Variants in ZNF84 observed in about 807,000 individuals in gnomAD.
The protein encoded by ZNF84 is zinc finger protein 84, also known as zinc finger protein HPF2.
Under a neutral mutation model 14.8 loss-of-function variants are expected in ZNF84, and 12 were observed. That is an observed-to-expected ratio of 0.81 (90% CI 0.52 to 1.31). The LOEUF (loss-of-function observed/expected upper bound fraction) is 1.31. Ranked by LOEUF, ZNF84 falls within the 50% of genes most tolerant of loss-of-function variation. The pLI is 0.00. For missense variants in ZNF84, 859 were observed against 878.6 expected (o/e 0.98, Z 0.28); for synonymous variants, 347 against 291.1 (o/e 1.19, Z -1.96).
chr12:133,057,895 C>A lies in ZNF84; in HGVS notation c.1180C>A (p.Gln394Lys), dbSNP rs1954189473. The A allele has an allele frequency of 6.2e-7, 1 of 1,613,504 alleles. No individual in the cohort carries two copies. The highest frequency in any genetic ancestry group is 2.2e-5 in the East Asian group (1 of 44,848). ...FFEKSELIRH[Q>K]TIHTGEKPYE... is the part of the protein sequence containing the mutation. The stretch of plus-strand genomic sequence containing the variant: ...TGAGAAGTCAGAGCTTATTAGACAT[C>A]AGACAATTCATACTGGAGAGAAACC... The change falls in exon 5 of 5, where the codon CAG becomes AAG. Residue 394 changes from glutamine (Q) to lysine (K), a missense_variant. Transcript: ENST00000539354.
rs993131797 is a variant in ZNF84 at position 133,056,830 on chromosome 12, T to G, written c.239-124T>G. 13 of 709,836 alleles carry G rather than the reference T, an allele frequency of 1.8e-5. No individual in the cohort carries two copies. The Admixed American group carries it at 2.7e-4, about 15-fold the overall frequency. The allele number at this position is 709,836 out of a possible 1,614,324, so 44.0% of individuals were successfully genotyped here. On this transcript the variant is annotated intron_variant, in intron 4 of 4. Transcript: ENST00000539354. ...AGATAGTTATTATACTTGGGACTTA[T>G]TTCAGACTCGGAAACTAAGCCTTAA...
chr12:133,057,989 A>T lies in ZNF84; in HGVS notation c.1274A>T (p.His425Leu). 6.2e-7 allele frequency: 1 copy of T among 1,613,826 alleles called. No individual in the cohort carries two copies. Among genetic ancestry groups the T allele is most frequent in the Non-Finnish European group, 8.5e-7 (1 of 1,179,978 alleles). The change falls in exon 5 of 5, where the codon CAT becomes CTT. Residue 425 changes from histidine to leucine, a missense_variant. His to Leu is a moderately conservative substitution (Grantham distance 99). Coordinates refer to ENST00000539354, the MANE Select transcript of ZNF84 (RefSeq NM_001289971.2). Reference sequence around the variant, plus strand: ...AGTCTCATTAATCATCAGAGAACACATACAGGAGAGAAACCTCATGGATGC... The same window carrying T: ...AGTCTCATTAATCATCAGAGAACACTTACAGGAGAGAAACCTCATGGATGC... ...RSSLINHQRT[H>L]TGEKPHGCIQ... is the part of the protein sequence containing the mutation.
intron 4 of ZNF84, among the ~76,000 whole-genome samples, chr12:133,054,069 A>G (rs1954112305): frequency 6.6e-6 from 1 of 152,198 alleles, no homozygotes; most frequent in Non-Finnish European, 1.5e-5. Flanking sequence ...TTTATTGAAA[A>G]ATGGGCCCAG....
At position 133,059,048 on chromosome 12, in the gene ZNF84, ACT is replaced by A. The variant is rs1332470156; in HGVS notation, c.*119_*120del. ...GTGTTTGTACTCCATGAGGATGAGAACTCTAAATGAGGTGGTGTATGGAAAGC... is the reference window on the plus strand; with the variant it reads ...GTGTTTGTACTCCATGAGGATGAGAACTAAATGAGGTGGTGTATGGAAAGC... On this transcript the variant is annotated 3_prime_UTR_variant, in exon 5 of 5. Transcript: ENST00000539354. The A allele has an allele frequency of 9.9e-7, 1 of 1,007,322 alleles. No individual in the cohort carries two copies. The highest frequency in any genetic ancestry group is 1.6e-5 in the African/African-American group (1 of 62,146). 62.4% of individuals were successfully genotyped at this position (1,007,322 alleles called of 1,614,324 possible).
chr12:133,039,812 G>A (rs2137318307), intron 1 of ZNF84, among the ~76,000 whole-genome samples: 2 of 151,584 alleles, frequency 1.3e-5, no homozygotes, highest in Middle Eastern at 6.8e-3. Context: ...AACATTAAAT[G>A]TATTCAATTT....
intron 1 of ZNF84, chr12:133,040,836 C>T (rs1217948685): frequency 7.9e-5 from 12 of 151,974 alleles, no homozygotes; most frequent in African/African-American, 2.9e-4. Flanking sequence ...ACAAAAATGG[C>T]AGACAAAAGT....
chr12:133,043,961 A>T, intron 2 of ZNF84, among the ~76,000 whole-genome samples: 1 of 147,994 alleles, frequency 6.8e-6, no homozygotes. Flanking sequence ...ATGGGGTTTC[A>T]CCATATTGGT....
intron 1 of ZNF84, chr12:133,037,820 C>T (rs1953811823): frequency 6.4e-5 from 3 of 46,604 alleles, no homozygotes. Context: ...GCCTCGGGCG[C>T]GTTTAGCCTC....
chr12:133,038,772 C>T (rs1452978675), intron 1 of ZNF84: 1 of 152,036 alleles, frequency 6.6e-6, no homozygotes, highest in African/African-American at 2.4e-5. Flanking sequence ...TTTTAGTATG[C>T]TTCATATGGG....
chr12:133,058,370 T>G lies in ZNF84; in HGVS notation c.1655T>G (p.Phe552Cys). Residue 552 changes from phenylalanine (F) to cysteine (C), a missense_variant, in exon 5 of 5, where the codon TTT (phenylalanine) becomes TGT (cysteine). Coordinates refer to ENST00000539354, the MANE Select transcript of ZNF84 (RefSeq NM_001289971.2). ...PYECSECGKA[F>C]GEKSSLATHQ... ...GAATGCAGTGAATGTGGGAAGGCCT[T>G]TGGTGAGAAGTCAAGTCTTGCAACT... The G allele has an allele frequency of 6.2e-7, 1 of 1,613,950 alleles. No individual in the cohort carries two copies. The highest frequency in any genetic ancestry group is 8.5e-7 in the Non-Finnish European group (1 of 1,179,974).
Position 133,041,273 on chromosome 12 carries a change from C to T in ZNF84, c.-190-5C>T, listed in dbSNP as rs1194601941. On this transcript the variant is annotated splice_region_variant and splice_polypyrimidine_tract_variant and intron_variant, in intron 1 of 4. Transcript: ENST00000539354. Reference sequence around the variant, plus strand: ...TATACCAGTTGAAGTACATTTCTCCCGAAGTCCACAGATCCTGGTCCCTAC... The same window carrying T: ...TATACCAGTTGAAGTACATTTCTCCTGAAGTCCACAGATCCTGGTCCCTAC... 5.3e-6 allele frequency: 3 copies of T among 570,682 alleles called. No individual in the cohort carries two copies. Among genetic ancestry groups the T allele is most frequent in the Non-Finnish European group, 9.4e-6 (3 of 320,190 alleles). 35.4% of individuals were successfully genotyped at this position (570,682 alleles called of 1,614,324 possible).
chr12:133,042,420 T>C lies in ZNF84; in HGVS notation c.15+938T>C, dbSNP rs1953902856. Among the ~76,000 whole-genome samples the C allele has an allele frequency of 2.6e-5, 4 of 152,052 alleles. 2 individuals are homozygous for C. The South Asian group carries it at 8.3e-4, about 31-fold the overall frequency. ...CAAACTGCAGAAGTTATAGTCTCAG[T>C]GTGTGGTAACTTGTATTACACTATG... is the stretch of plus-strand genomic sequence containing the variant. On this transcript the variant is annotated intron_variant, in intron 2 of 4. Coordinates refer to ENST00000539354, the MANE Select transcript of ZNF84 (RefSeq NM_001289971.2).
At chr12:133,047,914 G>T in intron 2 of ZNF84, 41 bp from the exon 3 acceptor site, 1 of 1,610,446 alleles carries the variant, frequency 6.2e-7, no homozygotes, top group Non-Finnish European at 8.5e-7. Context: ...ACATCATACG[G>T]TGTTAACTGC....
At chr12:133,044,127 ACAT>A (rs1953936864) in intron 2 of ZNF84, among the ~76,000 whole-genome samples, 1 of 151,478 alleles carries the variant, frequency 6.6e-6, no homozygotes, top group Non-Finnish European at 1.5e-5. Context: ...GTTAACAAAA[ACAT>A]CAGCAATAAC....
At chr12:133,038,986 C>A (rs1953838229) in intron 1 of ZNF84, 1 of 152,150 alleles carries the variant, frequency 6.6e-6, no homozygotes, top group African/African-American at 2.4e-5. Flanking sequence ...ACAATAGTTT[C>A]CATCATCCTA....
Position 133,059,198 on chromosome 12 carries a change from A to T in ZNF84, c.*266A>T. ...CAAAGAAGAATCCTGTGAATGTCCA[A>T]AAGCCTTCCAGAAGTCAAGTCTCTT... is the stretch of plus-strand genomic sequence containing the variant. On this transcript the variant is annotated 3_prime_UTR_variant, in exon 5 of 5. Transcript: ENST00000539354. The T allele has an allele frequency of 9.7e-6, 4 of 413,568 alleles. No individual in the cohort carries two copies. Among genetic ancestry groups the T allele is most frequent in the Non-Finnish European group, 1.7e-5 (4 of 234,452 alleles). 25.6% of individuals were successfully genotyped at this position (413,568 alleles called of 1,614,324 possible).
intron 2 of ZNF84, among the ~76,000 whole-genome samples, chr12:133,045,470 C>CA (rs1953964998): frequency 1.3e-5 from 2 of 151,340 alleles, no homozygotes; most frequent in Non-Finnish European, 1.5e-5. Context: ...GACTGTGTCT[C>CA]AAAAACAAAC....
intron 1 of ZNF84, among the ~76,000 whole-genome samples, chr12:133,039,431 C>T (rs1046922115): frequency 1.7e-4 from 26 of 152,302 alleles, no homozygotes; most frequent in African/African-American, 6.0e-4. Flanking sequence ...CTTTAGTATT[C>T]ATGCTTTGAA....
intron 4 of ZNF84, among the ~76,000 whole-genome samples, chr12:133,051,112 GT>G (rs71825223): frequency 8.9e-5 from 13 of 145,598 alleles, no homozygotes; most frequent in Admixed American, 1.4e-4. Flanking sequence ...TTGTTTTTTG[GT>G]TTTTTTTTTT....
Sources: allele counts gnomAD v4.1 joint callset (sites outside exome capture counted in the v4.1 genomes callset), GRCh38; gene constraint gnomAD v4.1.1; transcripts MANE v1.5; gene names NCBI Gene and HGNC (gene_info 2026-07-23, HGNC 2026-07-21).